Variants in PTPRM observed in about 807,000 individuals in gnomAD.
The protein encoded by PTPRM is protein tyrosine phosphatase receptor type M.
PTPRM carries 47 observed loss-of-function variants against 186.7 expected under a neutral mutation model. The observed-to-expected ratio is 0.25, with a 90% confidence interval of 0.20 to 0.32. The LOEUF (loss-of-function observed/expected upper bound fraction) is 0.32. Ranked by LOEUF, PTPRM falls within the 10% of genes least tolerant of loss-of-function variation. PTPRM has a pLI of 1.00. For synonymous variants in PTPRM, 668 were observed against 674.9 expected (o/e 0.99, Z 0.16); for missense variants, 1,494 against 1,865.0 (o/e 0.80, Z 3.66).
chr18:7,949,045 A>G lies in PTPRM; in HGVS notation c.664-136A>G, dbSNP rs1170005829. On this transcript the variant is annotated intron_variant, in intron 5 of 32. Transcript: ENST00000580170. ...CCTGCTCAGCTATTCTCCTGGTACA[A>G]CTGCCCATGGGTAATAAGCAACTGC... 4.0e-6 allele frequency: 3 copies of G among 752,722 alleles called. No individual in the cohort carries two copies. In the East Asian group the frequency reaches 7.9e-5, roughly 20 times the overall value. 46.6% of individuals were successfully genotyped at this position (752,722 alleles called of 1,614,324 possible). A position where few individuals can be genotyped will look rare whatever the true frequency, so the allele number is the denominator to read the frequency against.
intron 2 of PTPRM, chr18:7,814,379 G>A (rs915721499): frequency 6.6e-6 from 1 of 152,216 alleles, no homozygotes; most frequent in African/African-American, 2.4e-5. Context: ...TATAAAAAAG[G>A]AACAGATTAC....
At chr18:7,850,558 A>G (rs2046811968) in intron 2 of PTPRM, among the ~76,000 whole-genome samples, 1 of 152,178 alleles carries the variant, frequency 6.6e-6, no homozygotes, top group African/African-American at 2.4e-5. Context: ...TGAAATTCAT[A>G]TTTTGCTAAG....
At chr18:7,780,060 C>G (rs1207779311) in intron 2 of PTPRM, among the ~76,000 whole-genome samples, 1 of 152,160 alleles carries the variant, frequency 6.6e-6, no homozygotes, top group African/African-American at 2.4e-5. Context: ...AGCATCAAAT[C>G]TAGCTTTCCA....
intron 1 of PTPRM, among the ~76,000 whole-genome samples, chr18:7,722,284 A>C (rs2040461348): frequency 6.6e-6 from 1 of 152,170 alleles, no homozygotes; most frequent in African/African-American, 2.4e-5. Flanking sequence ...TCTTTCACTG[A>C]GCAATAAGCA....
intron 1 of PTPRM, among the ~76,000 whole-genome samples, chr18:7,608,693 C>G (rs1168247301): frequency 3.3e-5 from 5 of 152,302 alleles, no homozygotes; most frequent in Middle Eastern, 6.8e-3. Context: ...TGCTCCCATT[C>G]TTGCGTCCCA....
intron 2 of PTPRM, among the ~76,000 whole-genome samples, chr18:7,778,262 T>C (rs1047044774): frequency 1.3e-5 from 2 of 152,138 alleles, no homozygotes; most frequent in African/African-American, 4.8e-5. Context: ...GGGGAATAAA[T>C]ACTAAATGCC....
At chr18:8,353,271 GA>G (rs2095545698) in intron 23 of PTPRM, among the ~76,000 whole-genome samples, 1 of 152,204 alleles carries the variant, frequency 6.6e-6, no homozygotes, top group Non-Finnish European at 1.5e-5. Context: ...TTCTAGGAAG[GA>G]AGGAGAGGTA....
At chr18:8,214,558 C>T (rs931546407) in intron 14 of PTPRM, among the ~76,000 whole-genome samples, 5 of 152,070 alleles carry the variant, frequency 3.3e-5, no homozygotes, top group African/African-American at 1.2e-4. Context: ...ATGGGTTTTT[C>T]TTCTTATCTG....
At chr18:8,314,134 C>T (rs189709212) in intron 20 of PTPRM, among the ~76,000 whole-genome samples, 126 of 152,120 alleles carry the variant, frequency 8.3e-4, no homozygotes, top group African/African-American at 2.6e-3. Context: ...CTCTATAGTA[C>T]TTATGTGTCA....
intron 13 of PTPRM, among the ~76,000 whole-genome samples, chr18:8,119,545 G>A (rs151036620): frequency 3.7e-4 from 57 of 152,178 alleles, no homozygotes; most frequent in African/African-American, 1.3e-3. Flanking sequence ...AACATTCATC[G>A]TTCAGCATTT....
intron 20 of PTPRM, among the ~76,000 whole-genome samples, chr18:8,307,690 G>C (rs2095236077): frequency 6.6e-6 from 1 of 151,920 alleles, no homozygotes; most frequent in Non-Finnish European, 1.5e-5. Flanking sequence ...TGTAATCCCA[G>C]CTACTCAAAA....
chr18:7,948,438 G>A (rs1329234596), intron 5 of PTPRM, among the ~76,000 whole-genome samples: 3 of 152,114 alleles, frequency 2.0e-5, no homozygotes, highest in Admixed American at 2.0e-4. Flanking sequence ...TGGAAGCATA[G>A]AATGGATTTC....
At chr18:8,355,453 G>A (rs1033480150) in intron 23 of PTPRM, among the ~76,000 whole-genome samples, 8 of 152,148 alleles carry the variant, frequency 5.3e-5, no homozygotes, top group African/African-American at 1.7e-4. Context: ...GGGAGATAGG[G>A]AATGGGGATT....
intron 19 of PTPRM, among the ~76,000 whole-genome samples, chr18:8,281,030 A>G (rs892495342): frequency 1.3e-5 from 2 of 152,248 alleles, no homozygotes; most frequent in African/African-American, 4.8e-5. Flanking sequence ...AAAGTAGAAA[A>G]TACATGGAAA....
intron 19 of PTPRM, among the ~76,000 whole-genome samples, chr18:8,293,952 G>T (rs919361207): frequency 6.6e-6 from 1 of 152,154 alleles, no homozygotes; most frequent in African/African-American, 2.4e-5. Context: ...TTCTCATGCT[G>T]CTGTGAAGAA....
chr18:7,802,928 A>T (rs2044047834), intron 2 of PTPRM, among the ~76,000 whole-genome samples: 1 of 152,168 alleles, frequency 6.6e-6, no homozygotes, highest in Non-Finnish European at 1.5e-5. Context: ...TAATTGTATA[A>T]TGGCAGTTAG....
At chr18:8,229,127 G>T (rs1437473786) in intron 14 of PTPRM, among the ~76,000 whole-genome samples, 1 of 152,018 alleles carries the variant, frequency 6.6e-6, no homozygotes, top group East Asian at 1.9e-4. Context: ...TGATCAGGAA[G>T]TAAGGTATTA....
chr18:7,813,569 C>T (rs563652503), intron 2 of PTPRM, among the ~76,000 whole-genome samples: 3 of 152,266 alleles, frequency 2.0e-5, no homozygotes, highest in South Asian at 2.1e-4. Flanking sequence ...CTTGGAACTT[C>T]GTGGGCCTTC....
intron 23 of PTPRM, among the ~76,000 whole-genome samples, chr18:8,364,319 A>G (rs989204607): frequency 9.9e-5 from 15 of 152,170 alleles, no homozygotes; most frequent in Non-Finnish European, 1.9e-4. Context: ...GGTGGAAGTC[A>G]TGGAAGTCAC....
Sources: allele counts gnomAD v4.1 joint callset (sites outside exome capture counted in the v4.1 genomes callset), GRCh38; gene constraint gnomAD v4.1.1; transcripts MANE v1.5; gene names NCBI Gene and HGNC (gene_info 2026-07-23, HGNC 2026-07-21).